The following HSDL2 variants were observed in gnomAD, a reference collection of about 807,000 sequenced individuals.
HSDL2 encodes hydroxysteroid dehydrogenase like 2.
Under a neutral mutation model 46.3 loss-of-function variants are expected in HSDL2, and 27 were observed. The ratio of observed to expected loss-of-function variants is 0.58; its 90% CI spans 0.43 to 0.80. The LOEUF (loss-of-function observed/expected upper bound fraction) is 0.80. Among genes scored for constraint, HSDL2 ranks in the 30% least tolerant of loss-of-function variants. The pLI is 0.00. For synonymous variants in HSDL2, 153 were observed against 163.6 expected (o/e 0.94, Z 0.50); for missense variants, 451 against 502.7 (o/e 0.90, Z 0.98).
chr9:112,442,130 G>T (rs960782033), intron 8 of HSDL2, among the ~76,000 whole-genome samples: 1 of 151,670 alleles, frequency 6.6e-6, no homozygotes, highest in African/African-American at 2.4e-5. Flanking sequence ...TACGTTGGGC[G>T]TGGTGGCACG....
intron 8 of HSDL2, among the ~76,000 whole-genome samples, chr9:112,450,522 G>A (rs759992250): frequency 2.3e-4 from 35 of 151,182 alleles, no homozygotes; most frequent in Middle Eastern, 3.4e-3. Context: ...CCAGCTATTC[G>A]GGAGGCTGAG....
At chr9:112,444,172 T>C (rs959119452) in intron 8 of HSDL2, among the ~76,000 whole-genome samples, 4 of 152,228 alleles carry the variant, frequency 2.6e-5, no homozygotes, top group South Asian at 2.1e-4. Context: ...AATATACTCA[T>C]ATAGATAGTA....
chr9:112,459,715 T>C, intron 10 of HSDL2, 138 bp downstream of exon 10: 2 of 667,852 alleles, frequency 3.0e-6, no homozygotes, highest in Non-Finnish European at 5.1e-6. Flanking sequence ...AGGCTGTTCT[T>C]ACTGTTGCCT....
intron 6 of HSDL2, among the ~76,000 whole-genome samples, chr9:112,432,511 A>G (rs967813919): frequency 1.3e-5 from 2 of 152,230 alleles, no homozygotes; most frequent in African/African-American, 4.8e-5. Context: ...CCTAGCTCCA[A>G]AATATATTCT....
intron 6 of HSDL2, among the ~76,000 whole-genome samples, chr9:112,420,813 T>G (rs1309636003): frequency 6.6e-6 from 1 of 152,272 alleles, no homozygotes; most frequent in Non-Finnish European, 1.5e-5. Flanking sequence ...CATATACATT[T>G]CTGTTACATT....
At chr9:112,382,409 A>G (rs1831119381) in intron 1 of HSDL2, among the ~76,000 whole-genome samples, 1 of 152,250 alleles carries the variant, frequency 6.6e-6, no homozygotes, top group Non-Finnish European at 1.5e-5. Flanking sequence ...ATGAAAATCT[A>G]ATTAGAGAAA....
intron 4 of HSDL2, among the ~76,000 whole-genome samples, chr9:112,409,661 T>C (rs1831814404): frequency 6.6e-6 from 1 of 152,060 alleles, no homozygotes; most frequent in Non-Finnish European, 1.5e-5. Flanking sequence ...GGCAAGACGC[T>C]GTCTCTACAA....
chr9:112,455,372 T>C (rs1336411361), intron 9 of HSDL2, among the ~76,000 whole-genome samples: 2 of 152,224 alleles, frequency 1.3e-5, no homozygotes, highest in African/African-American at 4.8e-5. Context: ...TGCCTTCCTG[T>C]TCTTACTTCC....
At chr9:112,381,720 G>C (rs1432672763) in intron 1 of HSDL2, among the ~76,000 whole-genome samples, 1 of 152,080 alleles carries the variant, frequency 6.6e-6, no homozygotes, top group Non-Finnish European at 1.5e-5. Flanking sequence ...CAAAATGCTT[G>C]GTTCCAGACG....
intron 6 of HSDL2, among the ~76,000 whole-genome samples, chr9:112,427,772 T>C (rs1832285589): frequency 6.6e-6 from 1 of 152,208 alleles, no homozygotes; most frequent in African/African-American, 2.4e-5. Context: ...AGGACCCTTA[T>C]ATTAGTATAT....
chr9:112,419,175 A>AC (rs1832064036), intron 6 of HSDL2, among the ~76,000 whole-genome samples: 1 of 151,776 alleles, frequency 6.6e-6, no homozygotes, highest in East Asian at 1.9e-4. Flanking sequence ...TGCCTGGCTA[A>AC]TTTTTGTATT....
At chr9:112,467,367 G>C (rs901935146) in intron 10 of HSDL2, among the ~76,000 whole-genome samples, 3 of 152,098 alleles carry the variant, frequency 2.0e-5, no homozygotes, top group Non-Finnish European at 4.4e-5. Context: ...TGCATCCATA[G>C]ACACAGAGAG....
intron 9 of HSDL2, among the ~76,000 whole-genome samples, chr9:112,454,622 A>G (rs2132694326): frequency 6.6e-6 from 1 of 152,324 alleles, no homozygotes; most frequent in Admixed American, 6.5e-5. Context: ...TATCAACCAT[A>G]GGCACCTTGC....
chr9:112,444,404 C>T (rs189651944), intron 8 of HSDL2, among the ~76,000 whole-genome samples: 1 of 134,880 alleles, frequency 7.4e-6, no homozygotes, highest in South Asian at 2.5e-4. Context: ...GACAATGGAC[C>T]TAGTTTTAAA....
At chr9:112,436,242 CAAAA>C (rs527930574) in intron 6 of HSDL2, among the ~76,000 whole-genome samples, 8 of 77,640 alleles carry the variant, frequency 1.0e-4, no homozygotes, top group Non-Finnish European at 1.3e-4. Flanking sequence ...GACCCTATCT[CAAAA>C]AAAAAAAAAA....
In HSDL2 at chr9:112,459,410, G is replaced by T. The variant is rs202188412; in HGVS notation, c.1016-39G>T. Reference sequence around the variant, plus strand: ...AATTATTAAATTTAAGAAGAACAGGGCTTCTATGACATTGATTTCTATATG... The same window carrying T: ...AATTATTAAATTTAAGAAGAACAGGTCTTCTATGACATTGATTTCTATATG... On this transcript the variant is annotated intron_variant, in intron 9 of 10. Transcript: ENST00000398805. 1.9e-5 allele frequency: 30 copies of T among 1,602,956 alleles called. 1 individual carries two copies. The South Asian group carries it at 2.9e-4, about 15-fold the overall frequency.
intron 5 of HSDL2, among the ~76,000 whole-genome samples, chr9:112,418,218 A>G (rs963905012): frequency 4.6e-5 from 7 of 152,318 alleles, no homozygotes; most frequent in Non-Finnish European, 8.8e-5. Flanking sequence ...GTTCACTTCT[A>G]TAAAACCTGT....
intron 2 of HSDL2, among the ~76,000 whole-genome samples, chr9:112,404,706 T>C (rs1831686564): frequency 6.6e-6 from 1 of 152,184 alleles, no homozygotes; most frequent in Non-Finnish European, 1.5e-5. Context: ...TTTAATACTT[T>C]TAGTTGACAA....
rs1202011795 is a variant in HSDL2 at position 112,431,974 on chromosome 9, G to A, written c.599-6457G>A. On this transcript the variant is annotated intron_variant, in intron 6 of 10. Coordinates refer to ENST00000398805, the MANE Select transcript of HSDL2 (RefSeq NM_032303.5). ...AGCTCACTGCAACCTCCGCCTCCCA[G>A]GTTCAAGCGATTCTCCTGCCTCAGC... Among the ~76,000 whole-genome samples, 4 of 151,744 alleles carry A rather than the reference G, an allele frequency of 2.6e-5. No homozygotes were observed. In the East Asian group the frequency reaches 5.8e-4, roughly 22 times the overall value.
Sources: allele counts gnomAD v4.1 joint callset (sites outside exome capture counted in the v4.1 genomes callset), GRCh38; gene constraint gnomAD v4.1.1; transcripts MANE v1.5; gene names NCBI Gene and HGNC (gene_info 2026-07-23, HGNC 2026-07-21).